The following SMTN variants were observed in gnomAD, a reference collection of about 807,000 sequenced individuals.
SMTN encodes the protein smoothelin.
In SMTN, 58 loss-of-function variants were observed where a neutral mutation model predicts 102.0. That is an observed-to-expected ratio of 0.57 (90% CI 0.46 to 0.71). The LOEUF (loss-of-function observed/expected upper bound fraction) is 0.71. SMTN is among the 30% of genes least tolerant of loss of function. SMTN has a pLI of 0.00. For synonymous variants in SMTN, 478 were observed against 497.9 expected (o/e 0.96, Z 0.53); for missense variants, 1,185 against 1,241.7 (o/e 0.95, Z 0.69).
In SMTN at chr22:31,095,622, T is replaced by G. The variant is rs2043521009; in HGVS notation, c.1861+13T>G. 6.2e-7 allele frequency: 1 copy of G among 1,606,750 alleles called. No homozygotes were observed. Among genetic ancestry groups the G allele is most frequent in the African/African-American group, 1.3e-5 (1 of 74,836 alleles). On this transcript the variant is annotated intron_variant, in intron 13 of 20. Transcript: ENST00000333137. The surrounding 1 kb of genome is among the most constrained non-coding windows in gnomAD (Gnocchi z 4.1). ...CAAAGGAAGAGAGGTAGAGAGCCAG[T>G]TGCCCTACCCTAGATCCAGCTGCCC...
Position 31,091,162 on chromosome 22 carries a change from GCTCCTCCTCTCGGGGCCCCAGTGATAC to G in SMTN, c.1147_1173del (p.Ser383_Ser391del). ...ACCACCCCTGCCTCCTCCTCCAGCG[GCTCCTCCTCTCGGGGCCCCAGTGATAC>G]CTCCTCCCGGTTCAGCAAGGAGCAA... On this transcript the variant is annotated inframe_deletion, in exon 10 of 21. Coordinates refer to ENST00000333137, the MANE Select transcript of SMTN (RefSeq NM_134269.3). The G allele has an allele frequency of 5.6e-6, 9 of 1,613,718 alleles. No individual in the cohort carries two copies. The highest frequency in any genetic ancestry group is 7.6e-6 in the Non-Finnish European group (9 of 1,179,844).
At chr22:31,100,202 C>G (rs2043962196) in intron 19 of SMTN, among the ~76,000 whole-genome samples, 1 of 152,166 alleles carries the variant, frequency 6.6e-6, no homozygotes, top group Non-Finnish European at 1.5e-5. Context: ...CTCTCCCTTT[C>G]TCTGTCCTGC....
At chr22:31,081,479 G>C (rs547272032) in intron 1 of SMTN, 23 bp downstream of exon 1, 27 of 152,598 alleles carry the variant, frequency 1.8e-4, no homozygotes, top group African/African-American at 6.3e-4. Flanking sequence ...ACCTCGGGGG[G>C]GATCCTGGTG....
At chr22:31,086,719 C>A (rs1370965778) in intron 2 of SMTN, among the ~76,000 whole-genome samples, 80 of 152,338 alleles carry the variant, frequency 5.3e-4, no homozygotes, top group Non-Finnish European at 1.5e-5. Context: ...CAACTAAGGG[C>A]TCTGGCCTGA....
chr22:31,100,814 C>T, intron 19 of SMTN, 71 bp from the exon 20 acceptor site: 2 of 762,710 alleles, frequency 2.6e-6, no homozygotes, highest in Non-Finnish European at 4.4e-6. Context: ...CCTCTTCCCT[C>T]TCTTCCCCAC....
chr22:31,093,977 AT>A, intron 11 of SMTN: 1 of 805,166 alleles, frequency 1.2e-6, no homozygotes, highest in East Asian at 2.7e-5. Flanking sequence ...CAGTTTATCT[AT>A]CTTGACAGGG....
intron 1 of SMTN, chr22:31,065,877 A>T (rs1291304343): frequency 2.6e-5 from 4 of 152,224 alleles, no homozygotes; most frequent in South Asian, 4.1e-4. Flanking sequence ...ACTGCTGAGG[A>T]TAAAGGCAGA....
In SMTN at chr22:31,097,304, T is replaced by A; in HGVS notation, c.2125T>A (p.Phe709Ile). Residue 709 changes from phenylalanine to isoleucine, a missense_variant, in exon 16 of 21, where the codon TTC becomes ATC. This residue lies in a region of SMTN where 1,096 missense variants were observed against 1,112.7 expected (regional missense o/e 0.98). Coordinates refer to ENST00000333137, the MANE Select transcript of SMTN (RefSeq NM_134269.3). ...SGSTMMQTKT[F>I]SSSSSSKKMG... ...CAGCACCATGATGCAAACCAAGACCTTCTCCTCTTCCTCCTCATCCAAGAA... is the reference window on the plus strand; with the variant it reads ...CAGCACCATGATGCAAACCAAGACCATCTCCTCTTCCTCCTCATCCAAGAA... 1 of 1,614,138 alleles carries A rather than the reference T, an allele frequency of 6.2e-7. No homozygotes were observed. Among genetic ancestry groups the A allele is most frequent in the Non-Finnish European group, 8.5e-7 (1 of 1,180,026 alleles).
At chr22:31,090,603 G>A (rs887685893) in intron 8 of SMTN, among the ~76,000 whole-genome samples, 6 of 152,094 alleles carry the variant, frequency 3.9e-5, no homozygotes, top group Non-Finnish European at 5.9e-5. Flanking sequence ...GGAGAAGGAG[G>A]TGCCTGTAGG....
chr22:31,085,166 G>A (rs747385096), intron 2 of SMTN: 274 of 1,535,414 alleles, frequency 1.8e-4, no homozygotes, highest in Non-Finnish European at 2.3e-4. Flanking sequence ...GTTCGAGTTC[G>A]ACCTCCGCCA....
At chr22:31,092,726 C>T (rs143189674) in intron 11 of SMTN, among the ~76,000 whole-genome samples, 1 of 152,188 alleles carries the variant, frequency 6.6e-6, no homozygotes, top group Non-Finnish European at 1.5e-5. Flanking sequence ...CCCGCTGAGG[C>T]CCTTGAGGTG....
In SMTN at chr22:31,095,918, G is replaced by A. The variant is rs1480404276; in HGVS notation, c.1861+309G>A. The A allele has an allele frequency of 4.5e-6, 2 of 447,654 alleles. No individual in the cohort carries two copies. Among genetic ancestry groups the A allele is most frequent in the South Asian group, 2.3e-5 (1 of 42,966 alleles). The allele number at this position is 447,654 out of a possible 1,614,324, so 27.7% of individuals were successfully genotyped here. On this transcript the variant is annotated intron_variant, in intron 13 of 20. Coordinates refer to ENST00000333137, the MANE Select transcript of SMTN (RefSeq NM_134269.3). The surrounding 1 kb of genome is among the most constrained non-coding windows in gnomAD (Gnocchi z 4.1). ...AGTTGCCTCTCAAAGTACTGTCAAC[G>A]ACTCCTTCCCTGAATCCAGATACTC...
At chr22:31,092,493 G>A (rs977422494) in intron 11 of SMTN, 12 of 471,100 alleles carry the variant, frequency 2.5e-5, no homozygotes, top group Admixed American at 7.0e-5. Flanking sequence ...GAGCTCAGCC[G>A]GGAAAGGGAT....
intron 1 of SMTN, chr22:31,066,663 C>G (rs543914994): frequency 5.3e-5 from 8 of 152,342 alleles, no homozygotes; most frequent in African/African-American, 1.7e-4. Flanking sequence ...ACTGAGTGGA[C>G]ACACTTTAAA....
chr22:31,088,171 C>T (rs918186415), intron 3 of SMTN, 58 bp downstream of exon 3: 1 of 1,524,950 alleles, frequency 6.6e-7, no homozygotes, highest in Non-Finnish European at 8.9e-7. Flanking sequence ...CCTGGCTCAG[C>T]TCATGTGTGC....
At chr22:31,093,325 G>A (rs1438167823) in intron 11 of SMTN, 1 of 294,312 alleles carries the variant, frequency 3.4e-6, no homozygotes, top group Admixed American at 4.7e-5. Flanking sequence ...AGGCAGGGGC[G>A]GGGCAGGCCC....
chr22:31,094,402 GC>G (rs1295609788), intron 11 of SMTN, among the ~76,000 whole-genome samples: 1 of 152,354 alleles, frequency 6.6e-6, no homozygotes, highest in African/African-American at 2.4e-5. Flanking sequence ...GAGCCTACAG[GC>G]CCCGGGCCAG....
In SMTN at chr22:31,098,614, G is replaced by C. The variant is rs916595612; in HGVS notation, c.2160-53G>C. On this transcript the variant is annotated intron_variant, in intron 16 of 20. Coordinates refer to ENST00000333137, the MANE Select transcript of SMTN (RefSeq NM_134269.3). Reference sequence around the variant, plus strand: ...CTCCTCCTCGCGAGTGGTGGTCCAGGCTGGGGAGCAGCCCTGCTCTCCCTG... The same window carrying C: ...CTCCTCCTCGCGAGTGGTGGTCCAGCCTGGGGAGCAGCCCTGCTCTCCCTG... 11 of 1,581,872 alleles carry C rather than the reference G, an allele frequency of 7.0e-6. No individual in the cohort carries two copies. The Admixed American group carries it at 1.7e-4, about 25-fold the overall frequency.
At chr22:31,098,564 ATAC>A in intron 16 of SMTN, 100 bp from the exon 17 acceptor site, 2 of 1,097,446 alleles carry the variant, frequency 1.8e-6, no homozygotes, top group Non-Finnish European at 2.6e-6. Flanking sequence ...GGCAGTGGAG[ATAC>A]TAGTGTGCTA....
Sources: allele counts gnomAD v4.1 joint callset (sites outside exome capture counted in the v4.1 genomes callset), GRCh38; gene constraint gnomAD v4.1.1; regional missense constraint gnomAD v4.1.1; non-coding constraint Gnocchi (gnomAD v3.1); transcripts MANE v1.5; gene names NCBI Gene and HGNC (gene_info 2026-07-23, HGNC 2026-07-21).